RRAS2: variants seen among roughly 807,000 people sequenced by gnomAD.
RRAS2 encodes the protein RAS related 2, also known as ras-related protein R-Ras2.
In RRAS2, 7 loss-of-function variants were observed where a neutral mutation model predicts 27.6. The ratio of observed to expected loss-of-function variants is 0.25; its 90% CI spans 0.14 to 0.48. The LOEUF is 0.48. Ranked by LOEUF, RRAS2 falls within the 20% of genes least tolerant of loss-of-function variation. RRAS2 has a pLI of 0.99. For missense variants in RRAS2, 178 were observed against 256.2 expected (o/e 0.69, Z 2.08); for synonymous variants, 86 against 90.9 (o/e 0.95, Z 0.31).
At chr11:14,350,562 TTTC>T (rs1554954624) in intron 1 of RRAS2, among the ~76,000 whole-genome samples, 1 of 152,142 alleles carries the variant, frequency 6.6e-6, no homozygotes, top group Non-Finnish European at 1.5e-5. Context: ...CAAAACCTCT[TTTC>T]TTTATAAATT....
rs1591493255 is a variant in RRAS2 at position 14,355,345 on chromosome 11, T to C, written c.108+3418A>G. 2.0e-5 allele frequency among the ~76,000 whole-genome samples: 3 copies of C among 152,262 alleles called. No individual in the cohort carries two copies. In the South Asian group the frequency reaches 6.2e-4, roughly 32 times the overall value. On this transcript the variant is annotated intron_variant, in intron 1 of 5. Coordinates refer to ENST00000256196, the MANE Select transcript of RRAS2 (RefSeq NM_012250.6). ...AGTCTCTCCTAACCACTCTGTACCA[T>C]CCTGAAGTCATTTCCTACCTAGAGT...
At chr11:14,286,898 A>G (rs1591443270) in intron 4 of RRAS2, among the ~76,000 whole-genome samples, 1 of 152,382 alleles carries the variant, frequency 6.6e-6, no homozygotes, top group East Asian at 1.9e-4. Flanking sequence ...AAAGCTTCAC[A>G]GAACCACCAA....
intron 1 of RRAS2, among the ~76,000 whole-genome samples, chr11:14,307,929 A>C (rs1420910933): frequency 6.6e-6 from 1 of 152,216 alleles, no homozygotes; most frequent in African/African-American, 2.4e-5. Context: ...AGGTCTGCAC[A>C]TATAAGAAAT....
At chr11:14,360,480 A>T (rs927600014), upstream of RRAS2, among the ~76,000 whole-genome samples, 9 of 152,004 alleles carry the variant, frequency 5.9e-5, no homozygotes, top group Admixed American at 2.6e-4. Flanking sequence ...GGCCCACTGC[A>T]ACCTCCAACT....
At chr11:14,329,011 GTA>G (rs199601519) in intron 1 of RRAS2, among the ~76,000 whole-genome samples, 24,831 of 137,392 alleles carry the variant, frequency 0.18, 2,505 homozygotes, top group South Asian at 0.31. Flanking sequence ...GTGTGTGTGT[GTA>G]TATATATATA....
intron 1 of RRAS2, among the ~76,000 whole-genome samples, chr11:14,342,609 G>A (rs1220638711): frequency 6.6e-6 from 1 of 151,956 alleles, no homozygotes; most frequent in Non-Finnish European, 1.5e-5. Context: ...ACAAACCAAA[G>A]TTCATCAATA....
chr11:14,328,047 A>G (rs1215878129), intron 1 of RRAS2, among the ~76,000 whole-genome samples: 1 of 152,200 alleles, frequency 6.6e-6, no homozygotes, highest in African/African-American at 2.4e-5. Flanking sequence ...TGTAGTGCTT[A>G]CAAAGTACAT....
At position 14,329,011 on chromosome 11, in the gene RRAS2, G is replaced by A. The variant is rs868977493; in HGVS notation, c.108+29752C>T. Among the ~76,000 whole-genome samples, 717 of 137,786 alleles carry A rather than the reference G, an allele frequency of 5.2e-3. 6 individuals are homozygous for A. Among genetic ancestry groups the A allele is most frequent in the African/African-American group, 0.016 (600 of 37,046 alleles). The allele number at this position is 137,786 out of a possible 152,430, so 90.4% of individuals were successfully genotyped here. A position where few individuals can be genotyped will look rare whatever the true frequency, so the allele number is the denominator to read the frequency against. ...TGTGTGTGTGTGTGTGTGTGTGTGT[G>A]TATATATATATATATATACACACAC... On this transcript the variant is annotated intron_variant, in intron 1 of 5. Transcript: ENST00000256196.
chr11:14,363,857 G>T (rs562666440), upstream of RRAS2, among the ~76,000 whole-genome samples: 2 of 151,688 alleles, frequency 1.3e-5, no homozygotes, highest in Non-Finnish European at 2.9e-5. Context: ...GATCACCTGC[G>T]GTTGGGAGTT....
At chr11:14,288,099 G>A (rs1591444332) in intron 4 of RRAS2, among the ~76,000 whole-genome samples, 1 of 152,112 alleles carries the variant, frequency 6.6e-6, no homozygotes, top group African/African-American at 2.4e-5. Flanking sequence ...TCCCACATCA[G>A]CCTCTTGAGT....
chr11:14,279,318 A>G lies in RRAS2; in HGVS notation c.*19T>C. 6.5e-7 allele frequency: 1 copy of G among 1,547,116 alleles called. No homozygotes were observed. ...ATGAGGGCTTTTCCTGGCCGTTGGTAGCTAAAACTGAAGGGATTCTAGAAA... is the reference window on the plus strand; with the variant it reads ...ATGAGGGCTTTTCCTGGCCGTTGGTGGCTAAAACTGAAGGGATTCTAGAAA... On this transcript the variant is annotated 3_prime_UTR_variant, in exon 6 of 6. Coordinates refer to ENST00000256196, the MANE Select transcript of RRAS2 (RefSeq NM_012250.6).
chr11:14,287,463 T>G (rs1412131616), intron 4 of RRAS2, among the ~76,000 whole-genome samples: 1 of 152,160 alleles, frequency 6.6e-6, no homozygotes, highest in East Asian at 1.9e-4. Context: ...CTTATTAGAA[T>G]TTTTCCAGTA....
intron 1 of RRAS2, among the ~76,000 whole-genome samples, chr11:14,306,918 C>A (rs1554948147): frequency 6.7e-6 from 1 of 149,468 alleles, no homozygotes; most frequent in East Asian, 1.9e-4. Flanking sequence ...AGGCCGGGCG[C>A]AGTGGCTCAC....
chr11:14,364,268 A>ATACC, intron 1 of RRAS2: 1 of 887,192 alleles, frequency 1.1e-6, no homozygotes, highest in South Asian at 1.4e-5. Flanking sequence ...ATCTGAGGGT[A>ATACC]GAGTGGAGAG....
At chr11:14,363,014 A>G (rs1849209366), upstream of RRAS2, among the ~76,000 whole-genome samples, 1 of 152,262 alleles carries the variant, frequency 6.6e-6, no homozygotes, top group African/African-American at 2.4e-5. Flanking sequence ...TTTTTTGTGT[A>G]AATTTTGAAT....
At chr11:14,292,417 G>C (rs113086789) in intron 4 of RRAS2, among the ~76,000 whole-genome samples, 1 of 152,104 alleles carries the variant, frequency 6.6e-6, no homozygotes, top group Admixed American at 6.6e-5. Flanking sequence ...GCGAGAGATA[G>C]GAAGAGAACT....
intron 4 of RRAS2, among the ~76,000 whole-genome samples, chr11:14,281,971 A>C (rs558936424): frequency 1.3e-5 from 2 of 152,350 alleles, no homozygotes; most frequent in South Asian, 4.1e-4. Flanking sequence ...AAAAGTATTA[A>C]ATACAACAGT....
chr11:14,307,029 C>CA (rs1477198632), intron 1 of RRAS2, among the ~76,000 whole-genome samples: 1 of 151,624 alleles, frequency 6.6e-6, no homozygotes, highest in Non-Finnish European at 1.5e-5. Flanking sequence ...AGTGTCTACC[C>CA]AAAATACAAA....
chr11:14,308,292 G>A (rs782588314), intron 1 of RRAS2: 3 of 452,096 alleles, frequency 6.6e-6, no homozygotes, highest in South Asian at 4.7e-5. Flanking sequence ...ATGAATGAAA[G>A]AAGGAACCCA....
Sources: gnomAD v4.1 joint callset for allele counts (sites outside exome capture counted in the v4.1 genomes callset) on GRCh38, gnomAD v4.1.1 for gene constraint, MANE v1.5 for transcripts, NCBI Gene and HGNC (gene_info 2026-07-23, HGNC 2026-07-21) for gene names.